The following NMBR variants were observed in gnomAD, a reference collection of about 807,000 sequenced individuals.
The protein encoded by NMBR is neuromedin-B receptor.
In NMBR, 16 loss-of-function variants were observed where a neutral mutation model predicts 20.5. The observed-to-expected ratio is 0.78, with a 90% CI of 0.53 to 1.19. NMBR has a LOEUF of 1.19. Among genes scored for constraint, NMBR ranks in the 50% most tolerant of loss-of-function variants. The pLI is 0.00. For missense variants in NMBR, 582 were observed against 499.1 expected (o/e 1.17, Z -1.58); for synonymous variants, 212 against 196.6 (o/e 1.08, Z -0.65).
At chr6:142,139,229 A>T (rs1052581514) in intron 1 of NMBR, among the ~76,000 whole-genome samples, 4 of 152,190 alleles carry the variant, frequency 2.6e-5, no homozygotes, top group African/African-American at 9.6e-5. Flanking sequence ...ATCCCACAGA[A>T]GACTTCCCCT....
At chr6:142,141,016 G>A (rs1778352440) in intron 1 of NMBR, among the ~76,000 whole-genome samples, 1 of 152,032 alleles carries the variant, frequency 6.6e-6, no homozygotes, top group South Asian at 2.1e-4. Flanking sequence ...GTAATAAACT[G>A]ACAAAGTAAA....
At position 142,124,806 on chromosome 6, in the gene NMBR, A is replaced by C. The variant is rs536383130; in HGVS notation, c.-664+22238T>G. ...TGGCACATCTAAATTACTGACAATA[A>C]ATCTCAGAGCAAGTACAATACTTCT... On this transcript the variant is annotated intron_variant, in intron 1 of 3. Transcript: ENST00000258042. 1.2e-4 allele frequency among the ~76,000 whole-genome samples: 18 copies of C among 152,076 alleles called. No homozygotes were observed. In the South Asian group the frequency reaches 3.3e-3, roughly 28 times the overall value.
intron 1 of NMBR, among the ~76,000 whole-genome samples, chr6:142,142,307 G>T (rs1015478969): frequency 1.3e-5 from 2 of 152,130 alleles, no homozygotes; most frequent in African/African-American, 2.4e-5. Flanking sequence ...AATTAGAAGA[G>T]AATATTTGCC....
Position 142,146,929 on chromosome 6 carries a change from A to G in NMBR, c.-664+115T>C, listed in dbSNP as rs2232291. 2.8e-3 allele frequency among the ~76,000 whole-genome samples: 423 copies of G among 152,344 alleles called. 2 individuals are homozygous for G. The highest frequency in any genetic ancestry group is 9.9e-3 in the African/African-American group (413 of 41,580). On this transcript the variant is annotated intron_variant, in intron 1 of 3. Coordinates refer to ENST00000258042, the MANE Select transcript of NMBR (RefSeq NM_002511.4). ...CGCCAAAGGCAATTCTCGCCTTTAT[A>G]CTTTCTCCCAGTCAACATACATTAT...
chr6:142,112,948 G>C (rs1370455748), intron 1 of NMBR, among the ~76,000 whole-genome samples: 1 of 151,814 alleles, frequency 6.6e-6, no homozygotes, highest in East Asian at 1.9e-4. Context: ...ATCTCACAAA[G>C]TTATAACAAA....
At chr6:142,094,130 G>A (rs1777394644) in intron 1 of NMBR, among the ~76,000 whole-genome samples, 1 of 151,842 alleles carries the variant, frequency 6.6e-6, no homozygotes, top group South Asian at 2.1e-4. Flanking sequence ...AGTTTCTTTT[G>A]CTGTGCCGAA....
rs1246069183 is a variant in NMBR, at chr6:142,088,941, C to T, written c.-283G>A. 2.8e-6 allele frequency: 1 copy of T among 350,932 alleles called. No homozygotes were observed. The highest frequency in any genetic ancestry group is 4.2e-5 in the Admixed American group (1 of 23,640). The allele number at this position is 350,932 out of a possible 1,614,324, so 21.7% of individuals were successfully genotyped here. On this transcript the variant is annotated 5_prime_UTR_variant, in exon 2 of 4. Coordinates refer to ENST00000258042, the MANE Select transcript of NMBR (RefSeq NM_002511.4). ...AAGCAAAGCGGTTGCGTCTTTGTTC[C>T]GTATTCAGTGGTTTGTTCTCGCGGT...
At chr6:142,086,190 G>A (rs1777196030) in intron 2 of NMBR, among the ~76,000 whole-genome samples, 1 of 152,082 alleles carries the variant, frequency 6.6e-6, no homozygotes, top group Non-Finnish European at 1.5e-5. Context: ...GGCACCATCA[G>A]TGGCTAGCTG....
In NMBR at chr6:142,088,925, G is replaced by T. The variant is rs538042840; in HGVS notation, c.-267C>A. ...ATTAAAAAAAAAAAAAAAGCAAAGC[G>T]GTTGCGTCTTTGTTCCGTATTCAGT... On this transcript the variant is annotated 5_prime_UTR_variant, in exon 2 of 4. Coordinates refer to ENST00000258042, the MANE Select transcript of NMBR (RefSeq NM_002511.4). 2 of 392,058 alleles carry T rather than the reference G, an allele frequency of 5.1e-6. No individual in the cohort carries two copies. The highest frequency in any genetic ancestry group is 9.3e-6 in the Non-Finnish European group (2 of 215,894). The allele number at this position is 392,058 out of a possible 1,614,324, so 24.3% of individuals were successfully genotyped here. A position where few individuals can be genotyped will look rare whatever the true frequency, so the allele number is the denominator to read the frequency against.
intron 1 of NMBR, among the ~76,000 whole-genome samples, chr6:142,102,921 C>T (rs985989373): frequency 6.6e-6 from 1 of 152,172 alleles, no homozygotes; most frequent in Non-Finnish European, 1.5e-5. Flanking sequence ...AGATAAGAGT[C>T]TCATGATAGC....
Position 142,088,720 on chromosome 6 carries a change from C to T in NMBR, c.-62G>A. ...GCGCTCCGGTGCCCTGAGGACTGAA[C>T]GCCCACGATTTAGGTTTAATCGATG... On this transcript the variant is annotated 5_prime_UTR_variant, in exon 2 of 4. Transcript: ENST00000258042. 2.1e-6 allele frequency: 3 copies of T among 1,450,694 alleles called. No individual in the cohort carries two copies. The highest frequency in any genetic ancestry group is 1.4e-5 in the African/African-American group (1 of 71,104). The allele number at this position is 1,450,694 out of a possible 1,614,324, so 89.9% of individuals were successfully genotyped here. A position where few individuals can be genotyped will look rare whatever the true frequency, so the allele number is the denominator to read the frequency against.
At chr6:142,141,863 A>G (rs191013458) in intron 1 of NMBR, among the ~76,000 whole-genome samples, 1 of 152,336 alleles carries the variant, frequency 6.6e-6, no homozygotes, top group African/African-American at 2.4e-5. Flanking sequence ...TAAAAATACG[A>G]GTACAAAACA....
chr6:142,096,792 A>G (rs910148751), intron 1 of NMBR, among the ~76,000 whole-genome samples: 16 of 151,664 alleles, frequency 1.1e-4, no homozygotes, highest in Non-Finnish European at 2.1e-4. Flanking sequence ...TCCCATTATT[A>G]TTGTGTGGGA....
intron 1 of NMBR, among the ~76,000 whole-genome samples, chr6:142,096,820 G>T (rs1241080556): frequency 2.6e-5 from 4 of 151,688 alleles, no homozygotes; most frequent in Non-Finnish European, 5.9e-5. Flanking sequence ...TCTCTTTGTA[G>T]GTCTCTAAGG....
chr6:142,139,414 C>G (rs1476091256), intron 1 of NMBR, among the ~76,000 whole-genome samples: 1 of 152,174 alleles, frequency 6.6e-6, no homozygotes, highest in Admixed American at 6.5e-5. Flanking sequence ...TCCTTTTGAT[C>G]CTTTCAATTA....
At chr6:142,103,720 G>GT (rs1777606514) in intron 1 of NMBR, among the ~76,000 whole-genome samples, 1 of 152,162 alleles carries the variant, frequency 6.6e-6, no homozygotes, top group Non-Finnish European at 1.5e-5. Flanking sequence ...GCACCATGGA[G>GT]TTTATTCAAA....
intron 2 of NMBR, among the ~76,000 whole-genome samples, chr6:142,083,999 G>A (rs1777154333): frequency 6.6e-6 from 1 of 152,164 alleles, no homozygotes; most frequent in South Asian, 2.1e-4. Flanking sequence ...TTAACAGACT[G>A]AGAGGCAAGG....
At chr6:142,141,745 C>T (rs755960067) in intron 1 of NMBR, among the ~76,000 whole-genome samples, 14 of 152,098 alleles carry the variant, frequency 9.2e-5, no homozygotes, top group Non-Finnish European at 1.8e-4. Context: ...CCCCGCGATT[C>T]ACCGGCCTCG....
At chr6:142,144,404 T>G (rs1345635875) in intron 1 of NMBR, among the ~76,000 whole-genome samples, 1 of 152,198 alleles carries the variant, frequency 6.6e-6, no homozygotes, top group Non-Finnish European at 1.5e-5. Flanking sequence ...ATGTAGGGTA[T>G]GGTGTAAAAC....
Sources: allele counts gnomAD v4.1 joint callset (sites outside exome capture counted in the v4.1 genomes callset), GRCh38; gene constraint gnomAD v4.1.1; transcripts MANE v1.5; gene names NCBI Gene and HGNC (gene_info 2026-07-23, HGNC 2026-07-21).